ASIC2: variants seen among roughly 807,000 people sequenced by gnomAD.
ASIC2 encodes the protein acid-sensing ion channel 2.
A neutral mutation model predicts 57.3 loss-of-function variants in ASIC2; 25 were observed. That is an observed-to-expected ratio of 0.44 (90% CI 0.32 to 0.61). ASIC2 has a LOEUF of 0.61. Among genes scored for constraint, ASIC2 ranks in the 20% least tolerant of loss-of-function variants. The pLI is 0.06. For missense variants in ASIC2, 641 were observed against 738.1 expected, an observed-to-expected ratio of 0.87 and a Z score of 1.52; for synonymous variants, 319 against 307.5, an observed-to-expected ratio of 1.04 and a Z score of -0.39.
At chr17:33,451,353 G>A (rs959206373) in intron 1 of ASIC2, among the ~76,000 whole-genome samples, 14 of 152,148 alleles carry the variant, frequency 9.2e-5, no homozygotes, top group African/African-American at 3.1e-4. Context: ...TACCGTACCC[G>A]GCTGTACAAT....
intron 1 of ASIC2, chr17:33,688,853 T>C (rs1380902077): frequency 6.6e-6 from 1 of 152,136 alleles, no homozygotes; most frequent in Non-Finnish European, 1.5e-5. Flanking sequence ...TCCCCAGGTG[T>C]CTCTGCAGGA....
chr17:33,312,663 G>A (rs183117180), intron 1 of ASIC2, among the ~76,000 whole-genome samples: 35 of 152,238 alleles, frequency 2.3e-4, no homozygotes, highest in Middle Eastern at 3.4e-3. Context: ...GGCCAGGTGC[G>A]GTGGCTCATG....
At chr17:33,588,582 C>T (rs61421305) in intron 1 of ASIC2, among the ~76,000 whole-genome samples, 1 of 152,126 alleles carries the variant, frequency 6.6e-6, no homozygotes, top group African/African-American at 2.4e-5. Context: ...AGCACTCCTG[C>T]TCTCTTGAAG....
chr17:33,311,154 G>A (rs779807353), intron 1 of ASIC2, among the ~76,000 whole-genome samples: 11 of 152,228 alleles, frequency 7.2e-5, no homozygotes, highest in Non-Finnish European at 1.5e-4. Flanking sequence ...CTGTGTGCAA[G>A]GTGCCACCCT....
At chr17:33,180,255 T>C (rs56374841) in intron 1 of ASIC2, among the ~76,000 whole-genome samples, 1 of 152,070 alleles carries the variant, frequency 6.6e-6, no homozygotes, top group Non-Finnish European at 1.5e-5. Flanking sequence ...AGCATTCCAG[T>C]TGCATTCAGT....
chr17:33,589,127 G>A (rs1337444147), intron 1 of ASIC2, among the ~76,000 whole-genome samples: 1 of 152,180 alleles, frequency 6.6e-6, no homozygotes, highest in Non-Finnish European at 1.5e-5. Context: ...GTCACAGTGT[G>A]CTAGGCACTT....
At chr17:33,486,465 G>A (rs565090417) in intron 1 of ASIC2, among the ~76,000 whole-genome samples, 3 of 152,226 alleles carry the variant, frequency 2.0e-5, no homozygotes, top group South Asian at 4.2e-4. Flanking sequence ...CCTGGCATAC[G>A]GTTTGAGCTC....
chr17:33,033,122 C>T (rs1028804602), intron 3 of ASIC2, among the ~76,000 whole-genome samples: 4 of 152,152 alleles, frequency 2.6e-5, no homozygotes, highest in East Asian at 3.9e-4. Flanking sequence ...TACATTATGC[C>T]GGCTGCAGCT....
Position 33,784,024 on chromosome 17 carries a change from A to G in ASIC2, c.555+371954T>C, listed in dbSNP as rs1416934618. On this transcript the variant is annotated intron_variant, in intron 1 of 9. Transcript: ENST00000359872. ...AGGTACAGCTCTGCCTGTGGGTGGAATATGGTGCAACCAAGCTCAGGGGGG... is the reference window on the plus strand; with the variant it reads ...AGGTACAGCTCTGCCTGTGGGTGGAGTATGGTGCAACCAAGCTCAGGGGGG... 3.9e-5 allele frequency among the ~76,000 whole-genome samples: 6 copies of G among 152,318 alleles called. No individual in the cohort carries two copies. In the East Asian group the frequency reaches 7.7e-4, roughly 20 times the overall value.
At chr17:33,145,854 T>C (rs550292714) in intron 1 of ASIC2, among the ~76,000 whole-genome samples, 1 of 152,230 alleles carries the variant, frequency 6.6e-6, no homozygotes, top group East Asian at 1.9e-4. Context: ...GCTGAAAGAA[T>C]TGGTGGCAAG....
intron 1 of ASIC2, among the ~76,000 whole-genome samples, chr17:33,782,074 T>A (rs1237002084): frequency 2.6e-5 from 4 of 152,226 alleles, no homozygotes; most frequent in Non-Finnish European, 5.9e-5. Context: ...GTTCTTTGTC[T>A]GATCGGTGGT....
At chr17:33,125,159 T>C (rs550470731) in intron 1 of ASIC2, among the ~76,000 whole-genome samples, 27 of 152,240 alleles carry the variant, frequency 1.8e-4, no homozygotes, top group Middle Eastern at 6.8e-3. Flanking sequence ...TTGGGGACCC[T>C]TGCCACAGGG....
chr17:33,880,526 C>T (rs1434301132), intron 1 of ASIC2, among the ~76,000 whole-genome samples: 3 of 152,048 alleles, frequency 2.0e-5, no homozygotes, highest in African/African-American at 2.4e-5. Flanking sequence ...ATAAATTCCT[C>T]AACACATACA....
chr17:33,158,446 A>T (rs1905072630), intron 1 of ASIC2, among the ~76,000 whole-genome samples: 2 of 152,242 alleles, frequency 1.3e-5, no homozygotes, highest in African/African-American at 4.8e-5. Context: ...GAATGAAGGG[A>T]TGGCTCAGGA....
chr17:33,606,252 G>A (rs1905230442), intron 1 of ASIC2, among the ~76,000 whole-genome samples: 1 of 152,182 alleles, frequency 6.6e-6, no homozygotes. Flanking sequence ...AGGACAATGG[G>A]AGCAGCAGTT....
intron 1 of ASIC2, among the ~76,000 whole-genome samples, chr17:33,670,088 C>A (rs535622682): frequency 8.9e-4 from 136 of 152,114 alleles, no homozygotes; most frequent in Non-Finnish European, 1.7e-3. Context: ...CCAGGACACC[C>A]CACCCTGGCA....
intron 1 of ASIC2, among the ~76,000 whole-genome samples, chr17:33,965,221 A>G (rs1448185839): frequency 6.6e-6 from 1 of 152,244 alleles, no homozygotes; most frequent in Non-Finnish European, 1.5e-5. Context: ...ATCAAGGTTC[A>G]GAGGGGTTAA....
intron 1 of ASIC2, among the ~76,000 whole-genome samples, chr17:33,371,260 A>G (rs2141938884): frequency 6.6e-6 from 1 of 152,342 alleles, no homozygotes; most frequent in Middle Eastern, 3.4e-3. Flanking sequence ...GGCTAGGAAT[A>G]GCTAACTTGC....
At chr17:33,772,404 G>T (rs1911140211) in intron 1 of ASIC2, among the ~76,000 whole-genome samples, 1 of 152,150 alleles carries the variant, frequency 6.6e-6, no homozygotes, top group African/African-American at 2.4e-5. Flanking sequence ...TAAGTATAAA[G>T]ATGGACAATT....
Sources: allele counts gnomAD v4.1 joint callset (sites outside exome capture counted in the v4.1 genomes callset), GRCh38; gene constraint gnomAD v4.1.1; transcripts MANE v1.5; gene names NCBI Gene and HGNC (gene_info 2026-07-23, HGNC 2026-07-21).